Variants in ZNF385D observed in about 807,000 individuals in gnomAD.
The protein encoded by ZNF385D is zinc finger protein 659.
A neutral mutation model predicts 35.8 loss-of-function variants in ZNF385D; 15 were observed. The observed-to-expected ratio is 0.42, with a 90% CI of 0.28 to 0.64. The LOEUF is 0.64. Among genes scored for constraint, ZNF385D ranks in the 30% least tolerant of loss-of-function variants. The pLI is 0.23. For missense variants in ZNF385D, 474 were observed against 494.6 expected (o/e 0.96, Z 0.39); for synonymous variants, 212 against 186.8 (o/e 1.13, Z -1.10).
intron 3 of ZNF385D, among the ~76,000 whole-genome samples, chr3:22,039,428 A>G (rs932901074): frequency 6.6e-6 from 1 of 152,088 alleles, no homozygotes; most frequent in African/African-American, 2.4e-5. Context: ...AGAACTTAGC[A>G]TGGCATCCAG....
intron 2 of ZNF385D, among the ~76,000 whole-genome samples, chr3:22,250,578 G>A (rs578086570): frequency 6.6e-6 from 1 of 152,062 alleles, no homozygotes; most frequent in South Asian, 2.1e-4. Context: ...TGTAATTTGG[G>A]GACTCAGGGG....
At chr3:21,663,576 A>C (rs2066301086) in intron 2 of ZNF385D, among the ~76,000 whole-genome samples, 1 of 151,982 alleles carries the variant, frequency 6.6e-6, no homozygotes, top group Admixed American at 6.6e-5. Context: ...GTCATTTAGG[A>C]ATAAGGGAAT....
intron 2 of ZNF385D, among the ~76,000 whole-genome samples, chr3:21,608,023 G>GTTTTTTGTT (rs2064543172): frequency 8.3e-6 from 1 of 120,220 alleles, no homozygotes; most frequent in African/African-American, 3.2e-5. Flanking sequence ...TTTTTTTTTT[G>GTTTTTTGTT]TTTTTTTTTT....
In ZNF385D at chr3:22,127,445, T is replaced by A. The variant is rs139234570; in HGVS notation, c.325+41372A>T. Among the ~76,000 whole-genome samples the A allele has an allele frequency of 7.9e-3, 1,171 of 147,798 alleles. 14 individuals are homozygous for A. Among genetic ancestry groups the A allele is most frequent in the African/African-American group, 0.027 (1,098 of 40,368 alleles). ...ACCTCTGCTTCCTGGCTTCAAGCGA[T>A]TCTCCTGCCTCAGCCTCCCTAGTAG... is the stretch of plus-strand genomic sequence containing the variant. On this transcript the variant is annotated intron_variant, in intron 3 of 5. Transcript: ENST00000494108.
At chr3:22,102,227 T>C (rs902470355) in intron 3 of ZNF385D, among the ~76,000 whole-genome samples, 1 of 152,016 alleles carries the variant, frequency 6.6e-6, no homozygotes, top group African/African-American at 2.4e-5. Context: ...AGTCAATGTT[T>C]TTTTGAGCAC....
chr3:22,142,605 T>A (rs1393982574), intron 3 of ZNF385D, among the ~76,000 whole-genome samples: 1 of 152,228 alleles, frequency 6.6e-6, no homozygotes, highest in African/African-American at 2.4e-5. Context: ...GAGAAACATA[T>A]CCGCACAGAT....
chr3:21,555,238 T>C lies in ZNF385D; in HGVS notation c.276+9336A>G, dbSNP rs369170786. 4.6e-5 allele frequency among the ~76,000 whole-genome samples: 7 copies of C among 152,106 alleles called. 1 individual carries two copies. Among genetic ancestry groups the C allele is most frequent in the African/African-American group, 1.7e-4 (7 of 41,500 alleles). On this transcript the variant is annotated intron_variant, in intron 3 of 7. Coordinates refer to ENST00000281523, the MANE Select transcript of ZNF385D (RefSeq NM_024697.3). The stretch of plus-strand genomic sequence containing the variant: ...TAGTTTTTTTTTTTTTTTTAATACT[T>C]TAAGTTCTGGGGTACATGTGCAGAA...
intron 3 of ZNF385D, among the ~76,000 whole-genome samples, chr3:21,766,939 C>T (rs933887632): frequency 2.0e-5 from 3 of 151,932 alleles, no homozygotes; most frequent in East Asian, 1.9e-4. Context: ...TTACCTAATC[C>T]GACACTTGAC....
intron 3 of ZNF385D, among the ~76,000 whole-genome samples, chr3:22,115,242 A>G (rs73822865): frequency 0.2 from 30,946 of 152,010 alleles, 3,479 homozygotes; most frequent in East Asian, 0.42. Context: ...ATTTACAAGA[A>G]CCAGGGAGAA....
At chr3:21,527,530 G>A (rs1708297604) in intron 3 of ZNF385D, among the ~76,000 whole-genome samples, 1 of 152,026 alleles carries the variant, frequency 6.6e-6, no homozygotes, top group Non-Finnish European at 1.5e-5. Flanking sequence ...ATGATTTATT[G>A]GTTATCTTTA....
chr3:22,301,685 T>G (rs1702910556), intron 2 of ZNF385D, among the ~76,000 whole-genome samples: 1 of 152,036 alleles, frequency 6.6e-6, no homozygotes, highest in African/African-American at 2.4e-5. Context: ...CAAAGATAGT[T>G]GAATCCTCTA....
chr3:21,662,498 G>A (rs150645417), intron 2 of ZNF385D, among the ~76,000 whole-genome samples: 28 of 152,172 alleles, frequency 1.8e-4, no homozygotes, highest in African/African-American at 6.7e-4. Context: ...TATACATACC[G>A]AATTTTTGGG....
At chr3:21,913,725 A>T (rs1214713618) in intron 3 of ZNF385D, among the ~76,000 whole-genome samples, 2 of 152,116 alleles carry the variant, frequency 1.3e-5, no homozygotes, top group Non-Finnish European at 2.9e-5. Flanking sequence ...CCAAAGAGAG[A>T]TTAGAACTCT....
intron 2 of ZNF385D, among the ~76,000 whole-genome samples, chr3:22,353,910 C>G (rs1049119401): frequency 6.6e-6 from 1 of 152,100 alleles, no homozygotes; most frequent in Non-Finnish European, 1.5e-5. Context: ...TTGTTGATCT[C>G]CCTCCTCCCC....
At chr3:22,185,878 G>C (rs966270063) in intron 2 of ZNF385D, among the ~76,000 whole-genome samples, 2 of 152,148 alleles carry the variant, frequency 1.3e-5, no homozygotes, top group Non-Finnish European at 2.9e-5. Flanking sequence ...ATTGCTGAGT[G>C]TATTGTACAT....
At chr3:21,725,065 T>C (rs180999398) in intron 1 of ZNF385D, among the ~76,000 whole-genome samples, 2 of 152,126 alleles carry the variant, frequency 1.3e-5, no homozygotes, top group Non-Finnish European at 2.9e-5. Flanking sequence ...AACTGAACAA[T>C]GTGCTCCTGA....
At chr3:22,102,848 T>A (rs1227373289) in intron 3 of ZNF385D, among the ~76,000 whole-genome samples, 1 of 151,262 alleles carries the variant, frequency 6.6e-6, no homozygotes, top group South Asian at 2.1e-4. Flanking sequence ...GGCCTTTTTT[T>A]ATTTTGATAC....
chr3:21,690,045 G>A (rs2067231707), intron 1 of ZNF385D, among the ~76,000 whole-genome samples: 1 of 151,968 alleles, frequency 6.6e-6, no homozygotes. Flanking sequence ...TGTATGGCAT[G>A]GATTTTATTA....
At chr3:21,668,383 T>C (rs1575428241) in intron 1 of ZNF385D, among the ~76,000 whole-genome samples, 1 of 152,164 alleles carries the variant, frequency 6.6e-6, no homozygotes, top group East Asian at 1.9e-4. Flanking sequence ...GGCTGAGGCC[T>C]CTGCTGTGAC....
Sources: gnomAD v4.1 joint callset for allele counts (sites outside exome capture counted in the v4.1 genomes callset) on GRCh38, gnomAD v4.1.1 for gene constraint, MANE v1.5 for transcripts, NCBI Gene and HGNC (gene_info 2026-07-23, HGNC 2026-07-21) for gene names.